Variants in MTX2 observed in about 807,000 individuals in gnomAD.
MTX2 encodes metaxin 2.
A neutral mutation model predicts 42.3 loss-of-function variants in MTX2; 35 were observed. The ratio of observed to expected loss-of-function variants is 0.83; its 90% CI spans 0.63 to 1.10. MTX2 has a LOEUF of 1.10. Among genes scored for constraint, MTX2 ranks in the 50% least tolerant of loss-of-function variants. The pLI, the probability that MTX2 is intolerant of heterozygous loss-of-function variation, is 0.00. For synonymous variants in MTX2, 119 were observed against 100.9 expected (o/e 1.18, Z -1.08); for missense variants, 307 against 304.1 (o/e 1.01, Z -0.07).
intron 9 of MTX2, among the ~76,000 whole-genome samples, chr2:176,333,352 TA>T (rs1165019763): frequency 7.3e-5 from 11 of 151,712 alleles, no homozygotes; most frequent in Middle Eastern, 6.8e-3. Context: ...AATAGTTCAG[TA>T]GAAATACTGG....
chr2:176,299,363 T>C (rs1166183870), intron 3 of MTX2, among the ~76,000 whole-genome samples: 1 of 152,064 alleles, frequency 6.6e-6, no homozygotes, highest in Non-Finnish European at 1.5e-5. Context: ...TATTACCATT[T>C]AAAAAAACTA....
intron 3 of MTX2, among the ~76,000 whole-genome samples, chr2:176,312,664 G>A (rs2105429447): frequency 6.6e-6 from 1 of 152,094 alleles, no homozygotes; most frequent in Non-Finnish European, 1.5e-5. Context: ...AGGAGTTTGA[G>A]ACCAGCCTGT....
At chr2:176,277,319 T>C (rs1287865147) in intron 1 of MTX2, among the ~76,000 whole-genome samples, 2 of 152,222 alleles carry the variant, frequency 1.3e-5, no homozygotes, top group South Asian at 2.1e-4. Flanking sequence ...AAGAAAATGA[T>C]GGTAAAGGCT....
rs191030106 is a variant in MTX2 at position 176,285,758 on chromosome 2, T to G, written c.41-11102T>G. Among the ~76,000 whole-genome samples, 3 of 152,312 alleles carry G rather than the reference T, an allele frequency of 2.0e-5. No individual in the cohort carries two copies. The East Asian group carries it at 5.8e-4, about 29-fold the overall frequency. ...CAAATAGTATTCCATCATATGGATA[T>G]GCTGCATTATGTCTGTCCATTCACC... On this transcript the variant is annotated intron_variant, in intron 1 of 9. Transcript: ENST00000249442.
At chr2:176,299,059 G>A (rs1372700893) in intron 3 of MTX2, among the ~76,000 whole-genome samples, 1 of 152,048 alleles carries the variant, frequency 6.6e-6, no homozygotes, top group Admixed American at 6.6e-5. Flanking sequence ...GGTATTTTGG[G>A]TAGGAATAGA....
At chr2:176,334,870 G>C (rs1162604377) in intron 9 of MTX2, among the ~76,000 whole-genome samples, 1 of 151,864 alleles carries the variant, frequency 6.6e-6, no homozygotes, top group Non-Finnish European at 1.5e-5. Context: ...AGTGAACACA[G>C]TTATAATATG....
intron 1 of MTX2, among the ~76,000 whole-genome samples, chr2:176,294,051 A>T (rs1302304823): frequency 6.6e-6 from 1 of 152,196 alleles, no homozygotes; most frequent in Non-Finnish European, 1.5e-5. Flanking sequence ...ATTTATTTTC[A>T]ATAATGATTT....
rs71004264 is a variant in MTX2 at position 176,282,126 on chromosome 2, GTTTTTTTTTTTT to G, written c.40+12474_40+12485del. Reference sequence around the variant, plus strand: ...TGATATTATTTTTAGAGTTACAGTAGTTTTTTTTTTTTTTTTTTTTTTTTTTTTGCTGTCAGA... The same window carrying G: ...TGATATTATTTTTAGAGTTACAGTAGTTTTTTTTTTTTTTTTGCTGTCAGA... On this transcript the variant is annotated intron_variant, in intron 1 of 9. Transcript: ENST00000249442. Among the ~76,000 whole-genome samples the G allele has an allele frequency of 3.9e-3, 102 of 26,426 alleles. 4 individuals are homozygous for G. The highest frequency in any genetic ancestry group is 0.015 in the African/African-American group (93 of 6,116). 17.3% of individuals were successfully genotyped at this position (26,426 alleles called of 152,430 possible).
At chr2:176,294,522 G>A (rs1159220202) in intron 1 of MTX2, among the ~76,000 whole-genome samples, 2 of 152,096 alleles carry the variant, frequency 1.3e-5, no homozygotes, top group African/African-American at 4.8e-5. Context: ...TGATCCACCC[G>A]CCTCGGCCTC....
intron 3 of MTX2, among the ~76,000 whole-genome samples, chr2:176,304,902 T>C (rs1407947525): frequency 6.6e-6 from 1 of 152,064 alleles, no homozygotes; most frequent in Non-Finnish European, 1.5e-5. Flanking sequence ...ATCTAGAATT[T>C]GAATAACTTT....
At chr2:176,281,158 G>T (rs749170944) in intron 1 of MTX2, among the ~76,000 whole-genome samples, 3 of 152,168 alleles carry the variant, frequency 2.0e-5, no homozygotes, top group African/African-American at 7.2e-5. Context: ...GTCCCTGTTG[G>T]CATGATGCCT....
At chr2:176,313,382 C>CTGATTCTT (rs1684362133) in intron 3 of MTX2, among the ~76,000 whole-genome samples, 1 of 141,398 alleles carries the variant, frequency 7.1e-6, no homozygotes, top group Non-Finnish European at 1.5e-5. Context: ...TTGTTCTACA[C>CTGATTCTT]TGATTCTTTT....
At chr2:176,289,053 T>C (rs1263506790) in intron 1 of MTX2, among the ~76,000 whole-genome samples, 1 of 152,082 alleles carries the variant, frequency 6.6e-6, no homozygotes, top group South Asian at 2.1e-4. Context: ...GGTATACTTA[T>C]GTGAATTTAT....
intron 1 of MTX2, among the ~76,000 whole-genome samples, chr2:176,278,502 C>T (rs1693002469): frequency 6.6e-6 from 1 of 152,086 alleles, no homozygotes; most frequent in African/African-American, 2.4e-5. Context: ...ATTTTATACT[C>T]TGAAATTACA....
intron 9 of MTX2, 148 bp from the exon 10 acceptor site, chr2:176,337,345 A>G: frequency 3.4e-6 from 2 of 595,650 alleles, no homozygotes; most frequent in Non-Finnish European, 2.7e-6. Flanking sequence ...CTTGGCCTAT[A>G]TTGTTATTTC....
Position 176,290,049 on chromosome 2 carries a change from T to C in MTX2, c.41-6811T>C, listed in dbSNP as rs144429940. ...TATATAAGAAAAATGCAGACTGCTATGGACAGTATAGATAAAGGAGAAATT... is the reference window on the plus strand; with the variant it reads ...TATATAAGAAAAATGCAGACTGCTACGGACAGTATAGATAAAGGAGAAATT... On this transcript the variant is annotated intron_variant, in intron 1 of 9. Transcript: ENST00000249442. Among the ~76,000 whole-genome samples, 678 of 152,256 alleles carry C rather than the reference T, an allele frequency of 4.5e-3. 2 individuals carry two copies. Among genetic ancestry groups the C allele is most frequent in the Non-Finnish European group, 8.4e-3 (570 of 67,992 alleles).
intron 1 of MTX2, among the ~76,000 whole-genome samples, chr2:176,279,595 A>G (rs2105397218): frequency 6.6e-6 from 1 of 152,184 alleles, no homozygotes; most frequent in East Asian, 1.9e-4. Flanking sequence ...TTTTTGTTAG[A>G]TGCTATCATT....
intron 1 of MTX2, among the ~76,000 whole-genome samples, chr2:176,277,899 G>A (rs182798557): frequency 2.6e-5 from 4 of 151,992 alleles, no homozygotes; most frequent in Admixed American, 2.0e-4. Flanking sequence ...TTGAAGATAC[G>A]AAGCTGAGAT....
At chr2:176,282,126 G>GTTTTTTTGTTTTTTTTTT (rs1693091383) in intron 1 of MTX2, among the ~76,000 whole-genome samples, 5 of 26,432 alleles carry the variant, frequency 1.9e-4, no homozygotes, top group Admixed American at 6.1e-4. Flanking sequence ...AGTTACAGTA[G>GTTTTTTTGTTTTTTTTTT]TTTTTTTTTT....
Sources: allele counts gnomAD v4.1 joint callset (sites outside exome capture counted in the v4.1 genomes callset), GRCh38; gene constraint gnomAD v4.1.1; transcripts MANE v1.5; gene names NCBI Gene and HGNC (gene_info 2026-07-23, HGNC 2026-07-21).